Variants in CTNNA3 observed in about 807,000 individuals in gnomAD.
The protein encoded by CTNNA3 is catenin alpha 3.
CTNNA3 carries 76 observed loss-of-function variants against 95.7 expected under a neutral mutation model. That is an observed-to-expected ratio of 0.79 (90% CI 0.66 to 0.96). The LOEUF is 0.96. Among genes scored for constraint, CTNNA3 ranks in the 40% least tolerant of loss-of-function variants. The pLI, the probability that CTNNA3 is intolerant of heterozygous loss-of-function variation, is 0.00. For synonymous variants in CTNNA3, 431 were observed against 374.4 expected, an observed-to-expected ratio of 1.15 and a Z score of -1.74; for missense variants, 1,191 against 1,089.8, an observed-to-expected ratio of 1.09 and a Z score of -1.31.
intron 7 of CTNNA3, among the ~76,000 whole-genome samples, chr10:67,005,680 A>ATATTTTTTTTTTTT (rs1564825972): frequency 3.8e-5 from 1 of 26,370 alleles, no homozygotes; most frequent in Non-Finnish European, 1.1e-4. Flanking sequence ...ATTTTACTCC[A>ATATTTTTTTTTTTT]TCTTTTTTTT....
At chr10:67,249,152 CAA>C (rs1476917840) in intron 5 of CTNNA3, among the ~76,000 whole-genome samples, 4 of 151,870 alleles carry the variant, frequency 2.6e-5, no homozygotes, top group Non-Finnish European at 5.9e-5. Context: ...AGTAAAAAGA[CAA>C]TATACAGAAT....
intron 6 of CTNNA3, among the ~76,000 whole-genome samples, chr10:67,203,344 C>T (rs1035467203): frequency 3.9e-4 from 60 of 152,148 alleles, no homozygotes; most frequent in African/African-American, 7.7e-4. Context: ...AGTAACTTTG[C>T]TCCTCATTCG....
intron 12 of CTNNA3, among the ~76,000 whole-genome samples, chr10:66,316,306 C>A (rs1306091300): frequency 6.6e-6 from 1 of 152,072 alleles, no homozygotes; most frequent in Non-Finnish European, 1.5e-5. Context: ...CTAAAACAAT[C>A]ATGAACAGGG....
chr10:67,389,766 C>A (rs1354449574), intron 5 of CTNNA3, among the ~76,000 whole-genome samples: 1 of 151,584 alleles, frequency 6.6e-6, no homozygotes, highest in Admixed American at 6.6e-5. Flanking sequence ...CACTCAAAAC[C>A]GCTCAACTAC....
intron 2 of CTNNA3, among the ~76,000 whole-genome samples, chr10:67,637,614 G>C (rs1014723480): frequency 1.3e-5 from 2 of 152,170 alleles, no homozygotes; most frequent in African/African-American, 2.4e-5. Flanking sequence ...CAGCCAGAGA[G>C]AAAGGTCGGG....
intron 9 of CTNNA3, among the ~76,000 whole-genome samples, chr10:66,632,450 G>T (rs1389437359): frequency 1.3e-5 from 2 of 151,414 alleles, no homozygotes; most frequent in East Asian, 2.0e-4. Flanking sequence ...AGCTACTTGG[G>T]AGGCCGAGGC....
At chr10:67,390,598 AC>A (rs1419527767) in intron 5 of CTNNA3, among the ~76,000 whole-genome samples, 1 of 151,112 alleles carries the variant, frequency 6.6e-6, no homozygotes, top group East Asian at 1.9e-4. Flanking sequence ...CAGAGACACA[AC>A]CAAAAAAGAG....
intron 11 of CTNNA3, among the ~76,000 whole-genome samples, chr10:66,470,522 G>A (rs960117766): frequency 1.3e-5 from 2 of 151,902 alleles, no homozygotes; most frequent in African/African-American, 4.8e-5. Context: ...CATCCAAGAT[G>A]GAAGCATTTG....
At chr10:67,661,738 A>G (rs373567677) in intron 1 of CTNNA3, among the ~76,000 whole-genome samples, 3 of 152,214 alleles carry the variant, frequency 2.0e-5, no homozygotes, top group East Asian at 3.8e-4. Flanking sequence ...TTGAAAAGAC[A>G]TCTTACCAAA....
chr10:67,431,781 A>G (rs2132899381), intron 5 of CTNNA3, among the ~76,000 whole-genome samples: 1 of 152,164 alleles, frequency 6.6e-6, no homozygotes, highest in East Asian at 1.9e-4. Flanking sequence ...ATTGAAAATG[A>G]ACCCACATGG....
rs531062397 is a variant in CTNNA3 at position 66,188,674 on chromosome 10, T to C, written c.1885-85425A>G. Among the ~76,000 whole-genome samples, 10 of 150,908 alleles carry C rather than the reference T, an allele frequency of 6.6e-5. No homozygotes were observed. In the South Asian group the frequency reaches 2.1e-3, roughly 32 times the overall value. On this transcript the variant is annotated intron_variant, in intron 13 of 17. Transcript: ENST00000433211. ...ACTTATCCAATGGGTAACAATACTTTGCTTCCATATCATGGCTATTGTAAA... is the reference window on the plus strand; with the variant it reads ...ACTTATCCAATGGGTAACAATACTTCGCTTCCATATCATGGCTATTGTAAA...
chr10:67,629,659 A>G (rs1839077092), intron 2 of CTNNA3, among the ~76,000 whole-genome samples: 1 of 152,184 alleles, frequency 6.6e-6, no homozygotes, highest in African/African-American at 2.4e-5. Context: ...ATCAGATTAC[A>G]TAAGGATAAG....
intron 3 of CTNNA3, among the ~76,000 whole-genome samples, chr10:67,590,141 ATAT>A (rs1161543836): frequency 2.0e-5 from 3 of 152,204 alleles, no homozygotes; most frequent in Admixed American, 2.0e-4. Context: ...GTTCTTTGCA[ATAT>A]CATGTATAAG....
At chr10:66,734,539 A>G (rs1589188570) in intron 9 of CTNNA3, among the ~76,000 whole-genome samples, 2 of 152,272 alleles carry the variant, frequency 1.3e-5, no homozygotes, top group South Asian at 2.1e-4. Context: ...TAAAACTCTG[A>G]CTTTAAATGT....
chr10:67,392,541 C>A (rs1463265012), intron 5 of CTNNA3, among the ~76,000 whole-genome samples: 2 of 152,192 alleles, frequency 1.3e-5, no homozygotes, highest in Non-Finnish European at 2.9e-5. Context: ...TTTGACCCAG[C>A]CATCCCATTA....
Position 66,466,067 on chromosome 10 carries a change from C to A in CTNNA3, c.1531+54550G>T, listed in dbSNP as rs115267616. ...TTTAAATCAGTACACTTGAGTAAAA[C>A]AGATAACCCTCCATGATGTGAATGA... On this transcript the variant is annotated intron_variant, in intron 11 of 17. Transcript: ENST00000433211. 8.8e-3 allele frequency among the ~76,000 whole-genome samples: 1,331 copies of A among 151,956 alleles called. 25 individuals carry two copies. The highest frequency in any genetic ancestry group is 0.03 in the African/African-American group (1,237 of 41,476).
chr10:66,181,485 C>T (rs2086035846), intron 13 of CTNNA3, among the ~76,000 whole-genome samples: 1 of 152,020 alleles, frequency 6.6e-6, no homozygotes, highest in African/African-American at 2.4e-5. Context: ...TAATGCTAGG[C>T]CTTTGATGCT....
intron 11 of CTNNA3, among the ~76,000 whole-genome samples, chr10:66,422,228 T>C (rs979443730): frequency 3.3e-5 from 5 of 152,162 alleles, no homozygotes; most frequent in African/African-American, 1.2e-4. Flanking sequence ...TTTTTAATGC[T>C]GATCACAAAT....
chr10:65,994,278 T>A (rs2078602280), intron 15 of CTNNA3, among the ~76,000 whole-genome samples: 1 of 152,228 alleles, frequency 6.6e-6, no homozygotes, highest in Admixed American at 6.5e-5. Flanking sequence ...ATATCATCTT[T>A]GCACTTTCAG....
Sources: gnomAD v4.1 joint callset for allele counts (sites outside exome capture counted in the v4.1 genomes callset) on GRCh38, gnomAD v4.1.1 for gene constraint, MANE v1.5 for transcripts, NCBI Gene and HGNC (gene_info 2026-07-23, HGNC 2026-07-21) for gene names.